The following SLC15A5 variants were observed in gnomAD, a reference collection of about 807,000 sequenced individuals.
SLC15A5 encodes the protein solute carrier family 15 member 5, also known as Peptide/histidine transporter ENSP00000340402.
In SLC15A5, 58 loss-of-function variants were observed where a neutral mutation model predicts 56.1. The observed-to-expected ratio is 1.03, with a 90% CI of 0.84 to 1.29. SLC15A5 has a LOEUF of 1.29. SLC15A5 is among the 50% of genes most tolerant of loss of function. The pLI is 0.00. For missense variants in SLC15A5, 681 were observed against 672.1 expected (o/e 1.01, Z -0.15); for synonymous variants, 264 against 250.5 (o/e 1.05, Z -0.51).
intron 7 of SLC15A5, among the ~76,000 whole-genome samples, chr12:16,203,433 T>C (rs761229374): frequency 6.6e-6 from 1 of 152,082 alleles, no homozygotes; most frequent in African/African-American, 2.4e-5. Context: ...ATTGAAAAAT[T>C]TACTAAATGC....
chr12:16,239,712 C>T lies in SLC15A5; in HGVS notation c.1131G>A (p.Lys377=), dbSNP rs375565160. The change falls in exon 5 of 9, where the codon AAG becomes AAA. Residue 377 remains lysine (K), a synonymous_variant. Coordinates refer to ENST00000344941, the MANE Select transcript of SLC15A5 (RefSeq NM_001170798.1). The part of the protein sequence containing the change: ...EYFSTCLFPS[K]RVGSFLSTCI... ...ATGTTGACAGAAATGATCCAACTCT[C>T]TTAGAGGGAAACAGGCAGGTGCTGA... is the stretch of plus-strand genomic sequence containing the variant. The T allele has an allele frequency of 7.9e-5, 121 of 1,537,382 alleles. No homozygotes were observed. The African/African-American group carries it at 1.4e-3, about 18-fold the overall frequency.
intron 5 of SLC15A5, among the ~76,000 whole-genome samples, chr12:16,234,606 A>G (rs926116486): frequency 6.6e-6 from 1 of 152,154 alleles, no homozygotes; most frequent in African/African-American, 2.4e-5. Context: ...ATAAAGCACA[A>G]TGGTTGCATA....
intron 3 of SLC15A5, among the ~76,000 whole-genome samples, 165 bp from the exon 4 acceptor site, chr12:16,244,965 T>G (rs1864448493): frequency 6.6e-6 from 1 of 152,228 alleles, no homozygotes; most frequent in South Asian, 2.1e-4. Context: ...ACAGTGATTC[T>G]GGCATCCTGA....
intron 3 of SLC15A5, among the ~76,000 whole-genome samples, chr12:16,251,685 C>T (rs570838132): frequency 6.6e-6 from 1 of 151,734 alleles, no homozygotes; most frequent in South Asian, 2.1e-4. Context: ...ATCAAAAACC[C>T]CCTAACAAAG....
intron 7 of SLC15A5, among the ~76,000 whole-genome samples, chr12:16,201,766 A>G (rs1863959084): frequency 6.6e-6 from 1 of 152,138 alleles, no homozygotes; most frequent in Admixed American, 6.6e-5. Flanking sequence ...AGCCATGCTG[A>G]ACTGTAAGTC....
chr12:16,235,057 T>G lies in SLC15A5; in HGVS notation c.1162+4624A>C, dbSNP rs1385370249. 6.6e-6 allele frequency among the ~76,000 whole-genome samples: 1 copy of G among 152,024 alleles called. No individual in the cohort carries two copies. The highest frequency in any genetic ancestry group is 1.5e-5 in the Non-Finnish European group (1 of 67,958). ...ATAGGAAATTTGCTCAGTGTTAATA[T>G]ATCATTCAGTGTTCATGAACTACTC... On this transcript the variant is annotated intron_variant, in intron 5 of 8. Coordinates refer to ENST00000344941, the MANE Select transcript of SLC15A5 (RefSeq NM_001170798.1). This position sits in a 1 kb window ranked among gnomAD's most constrained non-coding sequence, Gnocchi z 4.1.
At chr12:16,221,656 A>G (rs1210671022) in intron 6 of SLC15A5, among the ~76,000 whole-genome samples, 1 of 152,178 alleles carries the variant, frequency 6.6e-6, no homozygotes, top group Non-Finnish European at 1.5e-5. Context: ...CAGGGGAATG[A>G]TAGAACTTAT....
At chr12:16,251,343 C>A (rs896113532) in intron 3 of SLC15A5, among the ~76,000 whole-genome samples, 3 of 151,306 alleles carry the variant, frequency 2.0e-5, no homozygotes, top group African/African-American at 7.3e-5. Context: ...AAGATTAGAG[C>A]AGAGATAAAC....
intron 5 of SLC15A5, among the ~76,000 whole-genome samples, chr12:16,236,655 A>C (rs1460790631): frequency 6.6e-6 from 1 of 152,200 alleles, no homozygotes; most frequent in Non-Finnish European, 1.5e-5. Context: ...GTGATTTTGC[A>C]TGTAAAACAT....
intron 6 of SLC15A5, among the ~76,000 whole-genome samples, chr12:16,220,568 A>G (rs1864175917): frequency 6.6e-6 from 1 of 152,224 alleles, no homozygotes; most frequent in African/African-American, 2.4e-5. Flanking sequence ...CTATTTTAAT[A>G]AAGTTTTATT....
chr12:16,271,365 G>T lies in SLC15A5; in HGVS notation c.584+1196C>A, dbSNP rs894955711. 2.6e-5 allele frequency among the ~76,000 whole-genome samples: 4 copies of T among 152,102 alleles called. No individual in the cohort carries two copies. The highest frequency in any genetic ancestry group is 7.2e-5 in the African/African-American group (3 of 41,430). ...AGTCTTATTTAATCAAAATGATGTT[G>T]CTAATTAAGGATTAAAACCTCCGAA... On this transcript the variant is annotated intron_variant, in intron 2 of 8. Coordinates refer to ENST00000344941, the MANE Select transcript of SLC15A5 (RefSeq NM_001170798.1). The surrounding 1 kb of genome is among the most constrained non-coding windows in gnomAD (Gnocchi z 8.0).
intron 2 of SLC15A5, among the ~76,000 whole-genome samples, chr12:16,260,995 A>C (rs1337911979): frequency 3.3e-5 from 5 of 151,984 alleles, no homozygotes; most frequent in Non-Finnish European, 5.9e-5. Flanking sequence ...CTGTTCCACT[A>C]ATCTATCCTT....
At chr12:16,217,504 C>T (rs1357657456) in intron 6 of SLC15A5, among the ~76,000 whole-genome samples, 1 of 152,102 alleles carries the variant, frequency 6.6e-6, no homozygotes, top group African/African-American at 2.4e-5. Flanking sequence ...TGTCAGCCAT[C>T]TACTATTTCT....
chr12:16,227,513 T>C (rs1029299817), intron 5 of SLC15A5, among the ~76,000 whole-genome samples: 5 of 152,114 alleles, frequency 3.3e-5, no homozygotes, highest in Non-Finnish European at 5.9e-5. Flanking sequence ...AGAGACATCA[T>C]TTTATGCTTT....
chr12:16,228,026 T>C (rs556350071), intron 5 of SLC15A5, among the ~76,000 whole-genome samples: 3 of 152,270 alleles, frequency 2.0e-5, no homozygotes, highest in South Asian at 2.1e-4. Flanking sequence ...AAGTTAGTTA[T>C]GAATATGAAT....
At chr12:16,207,834 A>G (rs1385134392) in intron 7 of SLC15A5, among the ~76,000 whole-genome samples, 6 of 151,962 alleles carry the variant, frequency 3.9e-5, no homozygotes, top group Non-Finnish European at 7.4e-5. Flanking sequence ...TTGTATTTTT[A>G]GTAGAGACAG....
rs1444027919 is a variant in SLC15A5 at position 16,205,612 on chromosome 12, T to C, written c.1484-11159A>G. Among the ~76,000 whole-genome samples, 24 of 112,648 alleles carry C rather than the reference T, an allele frequency of 2.1e-4. 1 individual carries two copies. The highest frequency in any genetic ancestry group is 1.2e-3 in the South Asian group (3 of 2,450). The allele number at this position is 112,648 out of a possible 152,430, so 73.9% of individuals were successfully genotyped here. ...ATATACATATACACACACACACACA[T>C]ATATATACACATATATATATACACA... is the stretch of plus-strand genomic sequence containing the variant. On this transcript the variant is annotated intron_variant, in intron 7 of 8. Transcript: ENST00000344941.
intron 3 of SLC15A5, among the ~76,000 whole-genome samples, chr12:16,253,905 C>G (rs924784180): frequency 4.6e-5 from 7 of 152,070 alleles, no homozygotes; most frequent in African/African-American, 1.7e-4. Context: ...AGAATTACTA[C>G]TATATGATTC....
Position 16,224,420 on chromosome 12 carries a change from G to A in SLC15A5, c.1345C>T (p.Pro449Ser). ...LLGVAETLVN[P>S]ALSVISYRFV... ...TGAAAAGGTGTTTACTCACGGGCTG[G>A]GTTTACCAGTGTTTCCGCCACTCCA... is the stretch of plus-strand genomic sequence containing the variant. Residue 449 changes from proline to serine, a missense_variant, in exon 6 of 9, where the codon CCA (proline) becomes TCA (serine). Transcript: ENST00000344941. 6.5e-7 allele frequency: 1 copy of A among 1,537,022 alleles called. No homozygotes were observed. The highest frequency in any genetic ancestry group is 1.2e-5 in the South Asian group (1 of 84,028).
Sources: gnomAD v4.1 joint callset for allele counts (sites outside exome capture counted in the v4.1 genomes callset) on GRCh38, gnomAD v4.1.1 for gene constraint, Gnocchi (gnomAD v3.1) non-coding constraint, MANE v1.5 for transcripts, NCBI Gene and HGNC (gene_info 2026-07-23, HGNC 2026-07-21) for gene names.